The following EHMT1 variants were observed in gnomAD, a reference collection of about 807,000 sequenced individuals.
EHMT1 encodes euchromatic histone lysine methyltransferase 1, also known as histone-lysine N-methyltransferase EHMT1.
A neutral mutation model predicts 147.2 loss-of-function variants in EHMT1; 15 were observed. The observed-to-expected ratio is 0.10, with a 90% CI of 0.07 to 0.16. The LOEUF is 0.16. Ranked by LOEUF, EHMT1 falls within the 10% of genes least tolerant of loss-of-function variation. The pLI is 1.00. For synonymous variants in EHMT1, 795 were observed against 709.6 expected, an observed-to-expected ratio of 1.12 and a Z score of -1.91; for missense variants, 1,587 against 1,772.4, an observed-to-expected ratio of 0.90 and a Z score of 1.88.
intron 3 of EHMT1, among the ~76,000 whole-genome samples, chr9:137,725,947 A>G (rs995966487): frequency 6.6e-6 from 1 of 151,994 alleles, no homozygotes; most frequent in African/African-American, 2.4e-5. Context: ...TGTAACCTCC[A>G]CAAGCACCTC....
intron 1 of EHMT1, among the ~76,000 whole-genome samples, chr9:137,635,789 C>T (rs1364611926): frequency 6.6e-6 from 1 of 151,440 alleles, no homozygotes; most frequent in Non-Finnish European, 1.5e-5. Flanking sequence ...CACTGCTCTC[C>T]AGCCTGGGCG....
intron 13 of EHMT1, among the ~76,000 whole-genome samples, chr9:137,778,321 G>A (rs186146931): frequency 6.6e-6 from 1 of 152,228 alleles, no homozygotes; most frequent in South Asian, 2.1e-4. Context: ...CCTGGTTGCT[G>A]TTGGCCCTGA....
chr9:137,774,892 G>A (rs552516334), intron 10 of EHMT1, among the ~76,000 whole-genome samples: 3 of 152,310 alleles, frequency 2.0e-5, no homozygotes, highest in African/African-American at 4.8e-5. Context: ...GATGATGGGC[G>A]TTTCCTTCTC....
chr9:137,771,736 TTGTC>T (rs1424194803), intron 10 of EHMT1, among the ~76,000 whole-genome samples: 3 of 152,186 alleles, frequency 2.0e-5, no homozygotes, highest in African/African-American at 4.8e-5. Flanking sequence ...CCTTTGGACT[TTGTC>T]TGTTCATGCT....
At chr9:137,832,961 C>CT (rs943159566) in intron 25 of EHMT1, 1 of 152,308 alleles carries the variant, frequency 6.6e-6, no homozygotes, top group African/African-American at 2.4e-5. Context: ...ACTCTGAACT[C>CT]TGTTTCTTTG....
chr9:137,697,995 C>A (rs1328535677), intron 1 of EHMT1, among the ~76,000 whole-genome samples: 1 of 148,928 alleles, frequency 6.7e-6, no homozygotes, highest in Non-Finnish European at 1.5e-5. Context: ...GTGAGGGCAG[C>A]GTGTGAGGGC....
chr9:137,745,969 G>A (rs540133837), intron 6 of EHMT1: 2 of 164,682 alleles, frequency 1.2e-5, no homozygotes, highest in East Asian at 3.3e-4. Context: ...TCTGTAAGCC[G>A]CTTGCTAAAT....
At chr9:137,672,537 G>T (rs1356540964) in intron 1 of EHMT1, among the ~76,000 whole-genome samples, 4 of 152,242 alleles carry the variant, frequency 2.6e-5, no homozygotes, top group African/African-American at 9.6e-5. Flanking sequence ...ATCCCTTTGG[G>T]GTACTCAGTG....
intron 1 of EHMT1, among the ~76,000 whole-genome samples, chr9:137,708,068 T>A (rs1944407935): frequency 6.6e-6 from 1 of 152,196 alleles, no homozygotes; most frequent in African/African-American, 2.4e-5. Context: ...TTTTAAAAAA[T>A]AATAAAAGTA....
At chr9:137,623,411 G>A (rs959560459) in intron 1 of EHMT1, among the ~76,000 whole-genome samples, 2 of 150,610 alleles carry the variant, frequency 1.3e-5, no homozygotes, top group South Asian at 2.1e-4. Context: ...GTCTGAAAAT[G>A]TATTTACTCT....
At chr9:137,810,396 G>C (rs557442866) in intron 18 of EHMT1, among the ~76,000 whole-genome samples, 74 of 152,374 alleles carry the variant, frequency 4.9e-4, no homozygotes, top group Middle Eastern at 6.8e-3. Context: ...TTAGGAAACA[G>C]CGTGGGCGTG....
At chr9:137,701,155 C>T (rs1943790892) in intron 1 of EHMT1, among the ~76,000 whole-genome samples, 1 of 150,192 alleles carries the variant, frequency 6.7e-6, no homozygotes, top group Non-Finnish European at 1.5e-5. Flanking sequence ...TCAGCTCCTA[C>T]CAGGTCCCTC....
intron 1 of EHMT1, among the ~76,000 whole-genome samples, chr9:137,669,168 T>C (rs1226318609): frequency 2.0e-5 from 3 of 152,146 alleles, no homozygotes; most frequent in Non-Finnish European, 2.9e-5. Context: ...ATTACAGGCG[T>C]GAGCCACTGT....
At chr9:137,706,284 C>A (rs532042375) in intron 1 of EHMT1, among the ~76,000 whole-genome samples, 1 of 152,174 alleles carries the variant, frequency 6.6e-6, no homozygotes, top group Non-Finnish European at 1.5e-5. Flanking sequence ...TTCTGCAGTG[C>A]GGGGTCTGAG....
intron 1 of EHMT1, among the ~76,000 whole-genome samples, chr9:137,623,794 C>T (rs540336327): frequency 6.6e-6 from 1 of 152,260 alleles, no homozygotes; most frequent in Admixed American, 6.5e-5. Flanking sequence ...GAAGTCATAG[C>T]TCCAATATCT....
At chr9:137,658,320 G>T (rs1352071387) in intron 1 of EHMT1, among the ~76,000 whole-genome samples, 1 of 151,926 alleles carries the variant, frequency 6.6e-6, no homozygotes, top group Non-Finnish European at 1.5e-5. Context: ...CCGGTTAATT[G>T]TTGTATTTTT....
chr9:137,677,022 A>T (rs1941415914), intron 1 of EHMT1, among the ~76,000 whole-genome samples: 1 of 152,144 alleles, frequency 6.6e-6, no homozygotes, highest in African/African-American at 2.4e-5. Context: ...AAAATTCTCC[A>T]ACGCTTTTGT....
chr9:137,632,782 C>G (rs1045291882), intron 1 of EHMT1, among the ~76,000 whole-genome samples: 2 of 152,166 alleles, frequency 1.3e-5, no homozygotes, highest in Admixed American at 6.5e-5. Context: ...AATGACTGTT[C>G]CTTTGATCAT....
intron 1 of EHMT1, among the ~76,000 whole-genome samples, chr9:137,661,486 C>CTTTTT (rs1195276514): frequency 3.7e-5 from 5 of 133,940 alleles, no homozygotes; most frequent in African/African-American, 1.4e-4. Context: ...TTTTGTACAT[C>CTTTTT]TTTTTTTTTT....
Sources: gnomAD v4.1 joint callset for allele counts (sites outside exome capture counted in the v4.1 genomes callset) on GRCh38, gnomAD v4.1.1 for gene constraint, MANE v1.5 for transcripts, NCBI Gene and HGNC (gene_info 2026-07-23, HGNC 2026-07-21) for gene names.